The following MAGI1 variants were observed in gnomAD, a reference collection of about 807,000 sequenced individuals.
The protein encoded by MAGI1 is membrane-associated guanylate kinase, WW and PDZ domain-containing protein 1.
Under a neutral mutation model 139.9 loss-of-function variants are expected in MAGI1, and 58 were observed. The observed-to-expected ratio is 0.41, with a 90% confidence interval of 0.34 to 0.52. MAGI1 has a LOEUF of 0.52. Ranked by LOEUF, MAGI1 falls within the 20% of genes least tolerant of loss-of-function variation. The pLI is 0.12. For missense variants in MAGI1, 1,874 were observed against 1,901.6 expected (o/e 0.99, Z 0.27); for synonymous variants, 812 against 737.9 (o/e 1.10, Z -1.63).
chr3:65,805,758 TA>T (rs1324860429), intron 1 of MAGI1, among the ~76,000 whole-genome samples: 2 of 152,076 alleles, frequency 1.3e-5, no homozygotes, highest in African/African-American at 4.8e-5. Context: ...TATGCAGCCA[TA>T]AAAAGGAACA....
chr3:65,466,410 G>C (rs1367397248), intron 5 of MAGI1, among the ~76,000 whole-genome samples: 1 of 152,144 alleles, frequency 6.6e-6, no homozygotes, highest in East Asian at 1.9e-4. Context: ...GGGGCTATCT[G>C]TTACTTTTAG....
intron 1 of MAGI1, among the ~76,000 whole-genome samples, chr3:65,624,598 A>G (rs2083866604): frequency 6.6e-6 from 1 of 152,228 alleles, no homozygotes; most frequent in Admixed American, 6.5e-5. Flanking sequence ...ACTAATTTAT[A>G]GTGAGAGAAA....
chr3:65,702,157 C>T (rs1313182974), intron 1 of MAGI1, among the ~76,000 whole-genome samples: 1 of 152,092 alleles, frequency 6.6e-6, no homozygotes, highest in Non-Finnish European at 1.5e-5. Context: ...ACTGGTCCCC[C>T]ATAATAGCAG....
At chr3:65,900,693 G>C (rs1389708224) in intron 1 of MAGI1, among the ~76,000 whole-genome samples, 1 of 152,178 alleles carries the variant, frequency 6.6e-6, no homozygotes, top group African/African-American at 2.4e-5. Context: ...TGTCTCCCCA[G>C]TCTTCTAGCC....
chr3:65,826,098 T>C (rs2108274349), intron 1 of MAGI1, among the ~76,000 whole-genome samples: 1 of 151,770 alleles, frequency 6.6e-6, no homozygotes, highest in Middle Eastern at 3.4e-3. Context: ...TGTGCACATA[T>C]ATACATGCAT....
intron 1 of MAGI1, among the ~76,000 whole-genome samples, chr3:65,962,026 G>C (rs1265119565): frequency 1.3e-5 from 2 of 152,132 alleles, no homozygotes; most frequent in Admixed American, 6.5e-5. Flanking sequence ...TTCATGAAGA[G>C]GTTGTTTGTC....
At chr3:65,462,690 T>A (rs1949890302) in intron 5 of MAGI1, among the ~76,000 whole-genome samples, 1 of 152,230 alleles carries the variant, frequency 6.6e-6, no homozygotes, top group Admixed American at 6.5e-5. Context: ...TAGCATTGAA[T>A]CTATAAATTA....
At chr3:65,947,440 T>G (rs572879362) in intron 1 of MAGI1, among the ~76,000 whole-genome samples, 88 of 152,240 alleles carry the variant, frequency 5.8e-4, no homozygotes, top group Non-Finnish European at 9.9e-4. Context: ...TGTCTCTAAA[T>G]TCTGACATAA....
chr3:65,943,128 GAGA>G (rs2063390581), intron 1 of MAGI1, among the ~76,000 whole-genome samples: 1 of 152,212 alleles, frequency 6.6e-6, no homozygotes, highest in African/African-American at 2.4e-5. Flanking sequence ...TTATTTGATG[GAGA>G]AATTATAATG....
intron 13 of MAGI1, among the ~76,000 whole-genome samples, chr3:65,392,599 A>G (rs1299064635): frequency 6.6e-6 from 1 of 152,088 alleles, no homozygotes. Context: ...CAATCCTATC[A>G]AGGCCATTCT....
intron 1 of MAGI1, among the ~76,000 whole-genome samples, chr3:65,726,654 T>G (rs1449168848): frequency 6.6e-6 from 1 of 152,134 alleles, no homozygotes; most frequent in Non-Finnish European, 1.5e-5. Context: ...AAGCTGTAAT[T>G]TCTCTAGGAC....
intron 18 of MAGI1, among the ~76,000 whole-genome samples, chr3:65,365,994 G>A (rs1221296093): frequency 2.6e-5 from 4 of 152,160 alleles, no homozygotes; most frequent in Admixed American, 6.5e-5. Context: ...GCTTTGGTCC[G>A]GCTTCCTGTT....
At chr3:65,409,042 G>T (rs1945572620) in intron 12 of MAGI1, among the ~76,000 whole-genome samples, 1 of 152,212 alleles carries the variant, frequency 6.6e-6, no homozygotes, top group Admixed American at 6.5e-5. Context: ...TTTATGTTGG[G>T]TGATCATGCA....
chr3:65,623,946 C>T (rs1231615619), intron 1 of MAGI1, among the ~76,000 whole-genome samples: 2 of 152,000 alleles, frequency 1.3e-5, no homozygotes, highest in African/African-American at 4.8e-5. Flanking sequence ...CATGAAGCCA[C>T]CCCCCAAAAA....
intron 10 of MAGI1, among the ~76,000 whole-genome samples, chr3:65,434,443 G>A (rs1448564661): frequency 6.6e-6 from 1 of 152,148 alleles, no homozygotes; most frequent in Non-Finnish European, 1.5e-5. Context: ...GTTTTCATAA[G>A]AGCAAATCTC....
At chr3:65,496,138 C>T (rs367965529) in intron 2 of MAGI1, among the ~76,000 whole-genome samples, 9 of 151,974 alleles carry the variant, frequency 5.9e-5, no homozygotes, top group Middle Eastern at 3.2e-3. Context: ...AACTACTGGG[C>T]TCAAGAGATC....
intron 2 of MAGI1, among the ~76,000 whole-genome samples, chr3:65,521,743 G>A (rs1304757081): frequency 1.3e-5 from 2 of 152,134 alleles, no homozygotes; most frequent in African/African-American, 4.8e-5. Context: ...ATGAAAAGTT[G>A]GATGTTATGT....
In MAGI1 at chr3:65,710,269, C is replaced by CTTT. The variant is rs1175790063; in HGVS notation, c.314-88184_314-88182dup. Among the ~76,000 whole-genome samples, 30 of 66,906 alleles carry CTTT rather than the reference C, an allele frequency of 4.5e-4. 1 individual carries two copies. The highest frequency in any genetic ancestry group is 5.8e-4 in the African/African-American group (9 of 15,608). 43.9% of individuals were successfully genotyped at this position (66,906 alleles called of 152,430 possible). On this transcript the variant is annotated intron_variant, in intron 1 of 22. Transcript: ENST00000402939. ...TGAATCACTTATTAACCTTACATTT[C>CTTT]TTTTTTTTTTTTTTTTTTTTTTTTT...
chr3:65,383,131 C>T (rs377651415), intron 15 of MAGI1, among the ~76,000 whole-genome samples: 96 of 152,212 alleles, frequency 6.3e-4, no homozygotes, highest in Middle Eastern at 3.4e-3. Flanking sequence ...TAAGGCTTTG[C>T]GAAGTACTCT....
Sources: gnomAD v4.1 joint callset for allele counts (sites outside exome capture counted in the v4.1 genomes callset) on GRCh38, gnomAD v4.1.1 for gene constraint, MANE v1.5 for transcripts, NCBI Gene and HGNC (gene_info 2026-07-23, HGNC 2026-07-21) for gene names.